C3: variants seen among roughly 807,000 people sequenced by gnomAD.
The protein encoded by C3 is C3 and PZP-like alpha-2-macroglobulin domain-containing protein 1.
In C3, 97 loss-of-function variants were observed where a neutral mutation model predicts 207.9. That is an observed-to-expected ratio of 0.47 (90% CI 0.40 to 0.55). C3 has a LOEUF of 0.55. C3 is among the 20% of genes least tolerant of loss of function. The probability of loss-of-function intolerance (pLI) is 0.00; values close to 1 mark genes in which losing one functional copy is unlikely to be tolerated. For missense variants in C3, 1,684 were observed against 2,171.7 expected (o/e 0.78, Z 4.46); for synonymous variants, 848 against 857.6 (o/e 0.99, Z 0.20).
chr19:6,678,063 G>C, intron 40 of C3, 40 bp from the exon 41 acceptor site: 1 of 1,614,110 alleles, frequency 6.2e-7, no homozygotes, highest in East Asian at 2.2e-5. Context: ...GGCGTGGTGT[G>C]GGCGTGGCGC....
Position 6,700,555 on chromosome 19 carries a change from T to TATATTATATATGTA in C3, c.2440+1571_2440+1572insTACATATATAATAT, listed in dbSNP as rs1967640564. Among the ~76,000 whole-genome samples, 5 of 23,586 alleles carry TATATTATATATGTA rather than the reference T, an allele frequency of 2.1e-4. 2 individuals are homozygous for TATATTATATATGTA. The highest frequency in any genetic ancestry group is 1.0e-3 in the Admixed American group (1 of 976). 15.5% of individuals were successfully genotyped at this position (23,586 alleles called of 152,430 possible). A position where few individuals can be genotyped will look rare whatever the true frequency, so the allele number is the denominator to read the frequency against. On this transcript the variant is annotated intron_variant, in intron 19 of 40. Transcript: ENST00000245907. ...GATATATTATATATGTAATATATAA[T>TATATTATATATGTA]ATATGTAATATATGATATATTATAT...
Position 6,711,160 on chromosome 19 carries a change from G to C in C3, c.1306C>G (p.Gln436Glu). Reference sequence around the variant, plus strand: ...AGAGCCTGCATGGTCCTGGTAGCCTGCTCTGCCTCCGAGAGCTCCTGCTTC... The same window carrying C: ...AGAGCCTGCATGGTCCTGGTAGCCTCCTCTGCCTCCGAGAGCTCCTGCTTC... ...TKKQELSEAE[Q>E]ATRTMQALPY... The change falls in exon 12 of 41, where the codon CAG becomes GAG. Residue 436 changes from glutamine to glutamate, a missense_variant. Physicochemically the swap from Gln to Glu is conservative, Grantham distance 29. Transcript: ENST00000245907. 3.7e-6 allele frequency: 6 copies of C among 1,613,844 alleles called. No individual in the cohort carries two copies. Among genetic ancestry groups the C allele is most frequent in the Non-Finnish European group, 3.4e-6 (4 of 1,179,984 alleles).
rs1171080933 is a variant in C3, at chr19:6,710,671, A to C, written c.1654T>G (p.Trp552Gly). 6.2e-7 allele frequency: 1 copy of C among 1,613,336 alleles called. No individual in the cohort carries two copies. The highest frequency in any genetic ancestry group is 8.5e-7 in the Non-Finnish European group (1 of 1,179,854). The part of the protein sequence containing the change: ...GQREVVADSV[W>G]VDVKDSCVGS... ...ACGCAGGAGTCCTTGACGTCCACCC[A>C]CACGGAGTCGGCCACCACCTCCCTC... The change falls in exon 13 of 41, where the codon TGG (tryptophan) becomes GGG (glycine). Residue 552 changes from tryptophan (W) to glycine (G), a missense_variant. This residue lies in a region of C3 where 1,280 missense variants were observed against 1,739.1 expected (regional missense o/e 0.74). Transcript: ENST00000245907.
Position 6,697,736 on chromosome 19 carries a change from C to A in C3, c.2499G>T (p.Leu833=). ...VTVMQDFFID[L]RLPYSVVRNE... ...TTCGAACAACAGAGTAGGGTAGCCG[C>A]AGGTCGATGAAGAAGTCCTGCATTA... The change falls in exon 20 of 41, where the codon CTG becomes CTT. Residue 833 remains leucine, a synonymous_variant. Coordinates refer to ENST00000245907, the MANE Select transcript of C3 (RefSeq NM_000064.4). The A allele has an allele frequency of 6.2e-7, 1 of 1,614,046 alleles. No homozygotes were observed. Among genetic ancestry groups the A allele is most frequent in the South Asian group, 1.1e-5 (1 of 91,068 alleles).
At position 6,696,575 on chromosome 19, in the gene C3, C is replaced by A. The variant is rs371893029; in HGVS notation, c.2863+18G>T. The A allele has an allele frequency of 3.7e-6, 6 of 1,613,244 alleles. No individual in the cohort carries two copies. In the Admixed American group the frequency reaches 8.3e-5, roughly 22 times the overall value. ...TACCCTGCCAGCCCCTCAGCCCCTC[C>A]CCCTGCAGCCGACTCACCACGGCCC... is the stretch of plus-strand genomic sequence containing the variant. On this transcript the variant is annotated intron_variant, in intron 22 of 40. Transcript: ENST00000245907.
chr19:6,686,219 C>T lies in C3; in HGVS notation c.3715G>A (p.Ala1239Thr), dbSNP rs761343669. ...NVEATSYALL[A>T]LLQLKDFDFV... ...TCAAAGTCTTTTAGCTGCAGTAGGG[C>T]CAAGAGGGCATAGGATGTGGCCTCC... is the stretch of plus-strand genomic sequence containing the variant. Residue 1239 changes from alanine to threonine, a missense_variant, in exon 29 of 41, where the codon GCC becomes ACC. Physicochemically the swap from Ala to Thr is moderately conservative, Grantham distance 58. Around this residue, in one of 3 missense-constraint regions of C3, gnomAD observed 1,280 missense variants for 1,739.1 expected, o/e 0.74. Transcript: ENST00000245907. 2 of 1,614,118 alleles carry T rather than the reference C, an allele frequency of 1.2e-6. No individual in the cohort carries two copies. The highest frequency in any genetic ancestry group is 1.1e-5 in the South Asian group (1 of 91,068).
At chr19:6,689,026 G>C (rs1291246968) in intron 27 of C3, among the ~76,000 whole-genome samples, 1 of 152,188 alleles carries the variant, frequency 6.6e-6, no homozygotes, top group Non-Finnish European at 1.5e-5. Context: ...ACGGAATGAA[G>C]ATCACGGGAG....
chr19:6,710,747 G>C lies in C3; in HGVS notation c.1578C>G (p.Ile526Met). The change falls in exon 13 of 41, where the codon ATC (isoleucine) becomes ATG (methionine). Residue 526 changes from isoleucine (I) to methionine (M), a missense_variant. Ile to Met is a conservative substitution (Grantham distance 10). This residue lies in a region of C3 where 1,280 missense variants were observed against 1,739.1 expected (regional missense o/e 0.74). Transcript: ENST00000245907. ...VLPLSITTDF[I>M]PSFRLVAYYT... ...AGTACGCCACCAGGCGGAAGGAAGG[G>C]ATGAAGTCGGTGGTGATGGACAGGG... The C allele has an allele frequency of 1.2e-6, 2 of 1,613,862 alleles. No individual in the cohort carries two copies. The highest frequency in any genetic ancestry group is 1.7e-6 in the Non-Finnish European group (2 of 1,180,002).
chr19:6,693,117 C>T (rs756026279), intron 25 of C3, 34 bp from the exon 26 acceptor site: 1 of 1,611,624 alleles, frequency 6.2e-7, no homozygotes, highest in South Asian at 1.1e-5. Flanking sequence ...CCAATCGGCT[C>T]TGAGATCCAG....
rs1917825775 is a variant in C3, at chr19:6,680,239, G to A, written c.4375C>T (p.Leu1459=). Residue 1459 remains leucine, a synonymous_variant, in exon 36 of 41, where the codon CTA becomes TTA. Coordinates refer to ENST00000245907, the MANE Select transcript of C3 (RefSeq NM_000064.4). ...AAGTATTGGTGAACTTTGAAAGCTAGACAGTCATCCTCAGAGTGTGAGACC... is the reference window on the plus strand; with the variant it reads ...AAGTATTGGTGAACTTTGAAAGCTAAACAGTCATCCTCAGAGTGTGAGACC... ...DKVSHSEDDC[L]AFKVHQYFNV... is the part of the protein sequence containing the mutation. The A allele has an allele frequency of 6.2e-7, 1 of 1,611,128 alleles. No homozygotes were observed. Among genetic ancestry groups the A allele is most frequent in the Non-Finnish European group, 8.5e-7 (1 of 1,177,328 alleles).
intron 26 of C3, among the ~76,000 whole-genome samples, chr19:6,692,552 A>G (rs1918194155): frequency 6.6e-6 from 1 of 152,174 alleles, no homozygotes; most frequent in Non-Finnish European, 1.5e-5. Flanking sequence ...TGCTTGGACC[A>G]GGGGCTGGCC....
At chr19:6,686,635 G>T in intron 28 of C3, 111 bp downstream of exon 28, 1 of 1,175,034 alleles carries the variant, frequency 8.5e-7, no homozygotes, top group Non-Finnish European at 1.3e-6. Flanking sequence ...TCTCAGCTTG[G>T]CTTAGGGTCA....
chr19:6,703,174 C>G (rs547242657), intron 17 of C3, among the ~76,000 whole-genome samples: 1 of 151,988 alleles, frequency 6.6e-6, no homozygotes, highest in African/African-American at 2.4e-5. Flanking sequence ...TGAATTTTCA[C>G]GAGCCCCAGA....
intron 26 of C3, among the ~76,000 whole-genome samples, chr19:6,692,132 C>T (rs529701077): frequency 1.3e-5 from 2 of 152,226 alleles, no homozygotes; most frequent in Admixed American, 1.3e-4. Flanking sequence ...GAGACAGGGT[C>T]TCACTCTGTT....
At chr19:6,713,929 C>T in intron 7 of C3, 63 bp downstream of exon 7, 1 of 1,097,376 alleles carries the variant, frequency 9.1e-7, no homozygotes, top group African/African-American at 1.8e-5. Flanking sequence ...CCCCCAGTCC[C>T]CCACCTGGTC....
intron 26 of C3, among the ~76,000 whole-genome samples, chr19:6,690,987 G>C (rs961578666): frequency 2.0e-5 from 3 of 151,576 alleles, no homozygotes; most frequent in Non-Finnish European, 4.4e-5. Flanking sequence ...ACAGGCTCTA[G>C]CCCTCACAGA....
Position 6,679,494 on chromosome 19 carries a change from CCTCTGCGG to C in C3, c.4457-6_4458del. On this transcript the variant is annotated splice_acceptor_variant and splice_polypyrimidine_tract_variant and coding_sequence_variant and intron_variant, in exon 37 of 41. Coordinates refer to ENST00000245907, the MANE Select transcript of C3 (RefSeq NM_000064.4). LOFTEE classifies it high-confidence loss of function. ...GGATGGTAGAACCGGGTACAGCTTT[CCTCTGCGG>C]GCAGATGTGATGTGAAGATGAGAGG... The C allele has an allele frequency of 6.2e-7, 1 of 1,609,164 alleles. No individual in the cohort carries two copies. Among genetic ancestry groups the C allele is most frequent in the Non-Finnish European group, 8.5e-7 (1 of 1,175,464 alleles).
intron 17 of C3, among the ~76,000 whole-genome samples, chr19:6,706,469 G>T (rs11569438): frequency 0.15 from 23,051 of 152,064 alleles, 2,130 homozygotes; most frequent in Admixed American, 0.28. Flanking sequence ...CTCCATCTCA[G>T]ATGGGCATCT....
rs1917877764 is a variant in C3 at position 6,682,031 on chromosome 19, C to CTGGGGAAAGG, written c.4261-11_4261-2dup. The CTGGGGAAAGG allele has an allele frequency of 1.9e-6, 3 of 1,613,844 alleles. No individual in the cohort carries two copies. The highest frequency in any genetic ancestry group is 2.5e-6 in the Non-Finnish European group (3 of 1,179,820). On this transcript the variant is annotated splice_acceptor_variant, in intron 34 of 40. Transcript: ENST00000245907. LOFTEE classifies it high-confidence loss of function. The stretch of plus-strand genomic sequence containing the variant: ...TGTATCTGTCAACACCATTGGCCAG[C>CTGGGGAAAGG]TGGGGAAAGGTGGAGCCTGTGAAAA...
Sources: gnomAD v4.1 joint callset for allele counts (sites outside exome capture counted in the v4.1 genomes callset) on GRCh38, gnomAD v4.1.1 for gene constraint, gnomAD v4.1.1 regional missense constraint, MANE v1.5 for transcripts, NCBI Gene and HGNC (gene_info 2026-07-23, HGNC 2026-07-21) for gene names.